HPSE2: variants seen among roughly 807,000 people sequenced by gnomAD.
The protein encoded by HPSE2 is inactive heparanase-2.
In HPSE2, 38 loss-of-function variants were observed where a neutral mutation model predicts 60.5. The ratio of observed to expected loss-of-function variants is 0.63; its 90% confidence interval spans 0.48 to 0.82. HPSE2 has a LOEUF of 0.82. HPSE2 is among the 40% of genes least tolerant of loss of function. The pLI is 0.00. For synonymous variants in HPSE2, 295 were observed against 293.2 expected, an observed-to-expected ratio of 1.01 and a Z score of -0.06; for missense variants, 713 against 740.4, an observed-to-expected ratio of 0.96 and a Z score of 0.43.
At chr10:99,274,288 A>G in the HPSE2 span, among the ~76,000 whole-genome samples, 4 of 152,234 alleles carry the variant, frequency 2.6e-5, no homozygotes, top group Non-Finnish European at 5.9e-5. Context: ...CGGAGGTTGC[A>G]GTGAGCAAAG....
intron 3 of HPSE2, among the ~76,000 whole-genome samples, chr10:98,917,220 G>A (rs182477557): frequency 3.9e-5 from 6 of 152,148 alleles, no homozygotes; most frequent in Admixed American, 3.9e-4. Context: ...ATTTGAGAGG[G>A]AAACACTAAC....
intron 2 of HPSE2, among the ~76,000 whole-genome samples, chr10:99,194,362 T>A (rs1848322207): frequency 6.6e-6 from 1 of 151,450 alleles, no homozygotes; most frequent in African/African-American, 2.4e-5. Flanking sequence ...TGCATCTTAA[T>A]GAACTGTAAA....
intron 3 of HPSE2, among the ~76,000 whole-genome samples, chr10:98,839,700 G>A (rs184896254): frequency 2.1e-4 from 32 of 152,206 alleles, no homozygotes; most frequent in Admixed American, 9.8e-4. Context: ...TATGTTATCC[G>A]TGCTATTGAC....
At chr10:98,598,823 G>T (rs571159665) in intron 9 of HPSE2, among the ~76,000 whole-genome samples, 20 of 152,178 alleles carry the variant, frequency 1.3e-4, no homozygotes, top group African/African-American at 4.6e-4. Context: ...CATGGAGCCT[G>T]GGTCTATAAG....
At chr10:98,548,825 C>T (rs1161127527) in intron 9 of HPSE2, among the ~76,000 whole-genome samples, 2 of 152,064 alleles carry the variant, frequency 1.3e-5, no homozygotes, top group East Asian at 3.9e-4. Flanking sequence ...AAAACAAGAA[C>T]ATTAATCTTA....
intron 2 of HPSE2, among the ~76,000 whole-genome samples, chr10:99,185,669 G>A (rs543758745): frequency 8.1e-4 from 123 of 152,088 alleles, no homozygotes; most frequent in African/African-American, 2.9e-3. Flanking sequence ...AGCTACTCGG[G>A]AGGCTGAGGC....
In HPSE2 at chr10:98,702,934, A is replaced by G. The variant is rs539102089; in HGVS notation, c.957-8987T>C. Among the ~76,000 whole-genome samples the G allele has an allele frequency of 1.8e-4, 28 of 152,278 alleles. No individual in the cohort carries two copies. In the South Asian group the frequency reaches 5.8e-3, roughly 32 times the overall value. On this transcript the variant is annotated intron_variant, in intron 5 of 11. Transcript: ENST00000370552. ...GAAGAGAAGAAATAACTAAGATCAGAGCAGAATTGAAGGAGATAGATGCAT... is the reference window on the plus strand; with the variant it reads ...GAAGAGAAGAAATAACTAAGATCAGGGCAGAATTGAAGGAGATAGATGCAT...
chr10:98,481,298 G>T (rs1253045254), intron 11 of HPSE2, among the ~76,000 whole-genome samples: 1 of 152,118 alleles, frequency 6.6e-6, no homozygotes, highest in Non-Finnish European at 1.5e-5. Context: ...CTTACCACAT[G>T]TACAACAACC....
intron 2 of HPSE2, among the ~76,000 whole-genome samples, chr10:99,173,110 G>A (rs986431888): frequency 6.6e-6 from 1 of 152,144 alleles, no homozygotes; most frequent in African/African-American, 2.4e-5. Flanking sequence ...TAGAAAGCCA[G>A]GCTAGAAGCA....
intron 11 of HPSE2, among the ~76,000 whole-genome samples, chr10:98,464,270 T>C (rs1476679286): frequency 1.3e-5 from 2 of 152,210 alleles, no homozygotes; most frequent in African/African-American, 4.8e-5. Flanking sequence ...AAGGAATAGA[T>C]TTTGAAAGGA....
intron 3 of HPSE2, among the ~76,000 whole-genome samples, chr10:98,946,889 G>A (rs892876587): frequency 3.9e-5 from 6 of 152,008 alleles, no homozygotes; most frequent in Non-Finnish European, 8.8e-5. Context: ...TCATCTTCAC[G>A]TGAGCAATTT....
At chr10:98,835,278 C>T (rs1280830784) in intron 3 of HPSE2, among the ~76,000 whole-genome samples, 1 of 152,004 alleles carries the variant, frequency 6.6e-6, no homozygotes, top group Non-Finnish European at 1.5e-5. Flanking sequence ...AGGTCAAATG[C>T]CCTGAATTCT....
At chr10:98,781,287 C>CTTTTTT (rs1247238028) in intron 3 of HPSE2, among the ~76,000 whole-genome samples, 22 of 132,566 alleles carry the variant, frequency 1.7e-4, no homozygotes, top group African/African-American at 4.2e-4. Context: ...ATATCCACTT[C>CTTTTTT]TTTTTTTTTT....
chr10:98,872,030 T>C (rs1952745593), intron 3 of HPSE2, among the ~76,000 whole-genome samples: 2 of 152,158 alleles, frequency 1.3e-5, no homozygotes, highest in Non-Finnish European at 2.9e-5. Context: ...AGAGAAACTT[T>C]GAAAATCTAG....
At chr10:98,895,870 A>G (rs868157273) in intron 3 of HPSE2, among the ~76,000 whole-genome samples, 2 of 140,390 alleles carry the variant, frequency 1.4e-5, no homozygotes, top group African/African-American at 2.6e-5. Context: ...TCACTCATAG[A>G]TGGGAATTGA....
intron 5 of HPSE2, among the ~76,000 whole-genome samples, chr10:98,707,731 T>C (rs1486042342): frequency 6.6e-6 from 1 of 152,182 alleles, no homozygotes; most frequent in Non-Finnish European, 1.5e-5. Context: ...AGAGCTACCA[T>C]GATCCTACAG....
chr10:98,925,445 G>A (rs775915432), intron 3 of HPSE2, among the ~76,000 whole-genome samples: 51 of 151,812 alleles, frequency 3.4e-4, no homozygotes, highest in Non-Finnish European at 6.9e-4. Context: ...CAAAGTCCAG[G>A]TTGCCCATTC....
At chr10:99,137,340 C>T (rs1564837357) in intron 3 of HPSE2, among the ~76,000 whole-genome samples, 1 of 152,094 alleles carries the variant, frequency 6.6e-6, no homozygotes, top group Non-Finnish European at 1.5e-5. Flanking sequence ...AGATTCAATG[C>T]TATATCCCCA....
At chr10:98,814,492 C>T (rs1951239944) in intron 3 of HPSE2, among the ~76,000 whole-genome samples, 1 of 152,100 alleles carries the variant, frequency 6.6e-6, no homozygotes, top group African/African-American at 2.4e-5. Context: ...ACTTTCAGGA[C>T]CGTTTAAAGA....
Sources: gnomAD v4.1 joint callset for allele counts (sites outside exome capture counted in the v4.1 genomes callset) on GRCh38, gnomAD v4.1.1 for gene constraint, MANE v1.5 for transcripts, NCBI Gene and HGNC (gene_info 2026-07-23, HGNC 2026-07-21) for gene names.